The following SBF2 variants were observed in gnomAD, a reference collection of about 807,000 sequenced individuals.
SBF2 encodes myotubularin-related protein 13.
SBF2 carries 112 observed loss-of-function variants against 225.2 expected under a neutral mutation model. The ratio of observed to expected loss-of-function variants is 0.50; its 90% CI spans 0.43 to 0.58. The LOEUF is 0.58. Ranked by LOEUF, SBF2 falls within the 20% of genes least tolerant of loss-of-function variation. SBF2 has a pLI of 0.00. For missense variants in SBF2, 1,996 were observed against 2,206.2 expected, an observed-to-expected ratio of 0.90 and a Z score of 1.91; for synonymous variants, 763 against 773.3, an observed-to-expected ratio of 0.99 and a Z score of 0.22.
At chr11:9,832,861 G>A (rs1855483063) in intron 26 of SBF2, among the ~76,000 whole-genome samples, 1 of 152,254 alleles carries the variant, frequency 6.6e-6, no homozygotes, top group Admixed American at 6.5e-5. Flanking sequence ...TTTGAAAAGA[G>A]CCCCATTCAC....
intron 32 of SBF2, among the ~76,000 whole-genome samples, chr11:9,796,905 A>C (rs890610482): frequency 6.6e-6 from 1 of 152,212 alleles, no homozygotes; most frequent in Non-Finnish European, 1.5e-5. Context: ...CTTTAGGCAA[A>C]CCGTATACAG....
intron 17 of SBF2, among the ~76,000 whole-genome samples, chr11:9,869,736 G>A (rs1248278933): frequency 6.6e-6 from 1 of 152,076 alleles, no homozygotes; most frequent in Non-Finnish European, 1.5e-5. Context: ...CAAACCCACA[G>A]CCAATATTAT....
chr11:9,838,154 A>G (rs1345406174), intron 26 of SBF2: 3 of 151,102 alleles, frequency 2.0e-5, no homozygotes, highest in African/African-American at 7.3e-5. Context: ...CTACCATCTT[A>G]CTACTTGTTA....
chr11:10,247,595 T>G (rs1487475372), intron 1 of SBF2, among the ~76,000 whole-genome samples: 2 of 151,566 alleles, frequency 1.3e-5, no homozygotes, highest in Non-Finnish European at 2.9e-5. Context: ...TCAAGGAGGC[T>G]GAGGCAGGAG....
At chr11:9,981,601 A>G (rs147447462) in intron 13 of SBF2, among the ~76,000 whole-genome samples, 92 of 152,354 alleles carry the variant, frequency 6.0e-4, no homozygotes, top group Non-Finnish European at 2.4e-4. Context: ...TATTTCCCTT[A>G]TGAAAAGACT....
intron 16 of SBF2, among the ~76,000 whole-genome samples, chr11:9,915,994 G>A (rs1863053171): frequency 6.6e-6 from 1 of 152,118 alleles, no homozygotes; most frequent in Admixed American, 6.5e-5. Flanking sequence ...AACCTGGGAG[G>A]CGGAGGTTGC....
intron 2 of SBF2, among the ~76,000 whole-genome samples, chr11:10,053,654 C>G (rs941198442): frequency 1.3e-5 from 2 of 151,936 alleles, no homozygotes; most frequent in East Asian, 3.9e-4. Context: ...ATTTGGGAGG[C>G]TGAGGCCAGA....
At chr11:9,967,947 G>GTCTC (rs1214352340) in intron 14 of SBF2, among the ~76,000 whole-genome samples, 2,198 of 100,182 alleles carry the variant, frequency 0.022, 37 homozygotes, top group Non-Finnish European at 0.026. Context: ...CTGTCTGTCT[G>GTCTC]TCTCTCTCTC....
intron 1 of SBF2, among the ~76,000 whole-genome samples, chr11:10,256,816 C>A (rs1261446400): frequency 1.3e-5 from 2 of 152,276 alleles, no homozygotes; most frequent in Non-Finnish European, 2.9e-5. Flanking sequence ...GCATCTCTCT[C>A]ATCAAAATCT....
intron 16 of SBF2, among the ~76,000 whole-genome samples, chr11:9,924,993 C>T (rs1006908789): frequency 3.3e-5 from 5 of 152,106 alleles, no homozygotes; most frequent in Non-Finnish European, 7.4e-5. Context: ...AAGCAGTTCT[C>T]CCTCCTCAGC....
rs142615149 is a variant in SBF2 at position 9,882,552 on chromosome 11, T to C, written c.1929+13391A>G. Among the ~76,000 whole-genome samples, 5 of 152,286 alleles carry C rather than the reference T, an allele frequency of 3.3e-5. No individual in the cohort carries two copies. The East Asian group carries it at 9.6e-4, about 29-fold the overall frequency. ...GGCCGGGCATGGTGGCTCATGTCTG[T>C]AATCCCAGCACTTTGGGAGGCCAAG... On this transcript the variant is annotated intron_variant, in intron 17 of 39. Transcript: ENST00000256190.
chr11:10,087,906 C>T (rs1313712460), intron 2 of SBF2, among the ~76,000 whole-genome samples: 1 of 152,124 alleles, frequency 6.6e-6, no homozygotes, highest in Admixed American at 6.6e-5. Flanking sequence ...TCCTGGCTGC[C>T]AAAGAATGAT....
chr11:9,922,316 C>G (rs968103432), intron 16 of SBF2, among the ~76,000 whole-genome samples: 2 of 152,078 alleles, frequency 1.3e-5, no homozygotes, highest in South Asian at 4.2e-4. Flanking sequence ...CATATTTTAG[C>G]TGGACTGGAA....
chr11:10,132,108 T>C (rs1954088509), intron 2 of SBF2, among the ~76,000 whole-genome samples: 1 of 152,224 alleles, frequency 6.6e-6, no homozygotes, highest in African/African-American at 2.4e-5. Flanking sequence ...GCCCCACTTC[T>C]GAAGAATACT....
intron 16 of SBF2, among the ~76,000 whole-genome samples, chr11:9,900,044 T>TAAAA (rs1347991488): frequency 0.28 from 39,201 of 140,340 alleles, 6,170 homozygotes; most frequent in African/African-American, 0.43. Flanking sequence ...TTTTTTTTTT[T>TAAAA]AAAAAAAAAA....
intron 2 of SBF2, among the ~76,000 whole-genome samples, chr11:10,100,887 G>A (rs1370556653): frequency 6.6e-6 from 1 of 152,160 alleles, no homozygotes; most frequent in Non-Finnish European, 1.5e-5. Context: ...GTCTCAGTTG[G>A]CTCTCCCTAA....
At chr11:9,951,024 C>A (rs183069139) in intron 16 of SBF2, among the ~76,000 whole-genome samples, 2 of 152,204 alleles carry the variant, frequency 1.3e-5, no homozygotes, top group African/African-American at 4.8e-5. Context: ...GAAGTAGAGG[C>A]ACAGAGTTGC....
intron 1 of SBF2, among the ~76,000 whole-genome samples, chr11:10,232,234 T>C (rs1958885246): frequency 6.6e-6 from 1 of 152,210 alleles, no homozygotes; most frequent in African/African-American, 2.4e-5. Context: ...GGAAAGGGAA[T>C]TCCCGACCCC....
chr11:10,196,866 A>ATATATATTTTTTT, intron 1 of SBF2, among the ~76,000 whole-genome samples: 7 of 99,308 alleles, frequency 7.0e-5, no homozygotes, highest in African/African-American at 1.6e-4. Flanking sequence ...ATATATATAT[A>ATATATATTTTTTT]TTTTTTTTTT....
Sources: gnomAD v4.1 joint callset for allele counts (sites outside exome capture counted in the v4.1 genomes callset) on GRCh38, gnomAD v4.1.1 for gene constraint, MANE v1.5 for transcripts, NCBI Gene and HGNC (gene_info 2026-07-23, HGNC 2026-07-21) for gene names.